The following CHMP4C variants were observed in gnomAD, a reference collection of about 807,000 sequenced individuals.
The protein encoded by CHMP4C is SNF7 homolog associated with Alix 3.
A neutral mutation model predicts 29.0 loss-of-function variants in CHMP4C; 28 were observed. That is an observed-to-expected ratio of 0.97 (90% CI 0.72 to 1.32). The LOEUF (loss-of-function observed/expected upper bound fraction) is 1.32. Ranked by LOEUF, CHMP4C falls within the 40% of genes most tolerant of loss-of-function variation. The pLI, the probability that CHMP4C is intolerant of heterozygous loss-of-function variation, is 0.00. For synonymous variants in CHMP4C, 106 were observed against 102.4 expected (o/e 1.04, Z -0.21); for missense variants, 291 against 281.0 (o/e 1.04, Z -0.25).
intron 1 of CHMP4C, among the ~76,000 whole-genome samples, chr8:81,737,367 G>A (rs1335653199): frequency 6.6e-6 from 1 of 152,104 alleles, no homozygotes; most frequent in Non-Finnish European, 1.5e-5. Flanking sequence ...GAATGTTAAT[G>A]AGATGGAAAA....
At chr8:81,757,332 C>G (rs1808985363) in intron 3 of CHMP4C, among the ~76,000 whole-genome samples, 1 of 152,058 alleles carries the variant, frequency 6.6e-6, no homozygotes, top group South Asian at 2.1e-4. Context: ...ATAAGGTGTC[C>G]CAAGTCATTT....
intron 2 of CHMP4C, 86 bp from the exon 3 acceptor site, chr8:81,755,284 T>C (rs1808957471): frequency 3.4e-6 from 2 of 585,438 alleles, no homozygotes; most frequent in African/African-American, 3.8e-5. Flanking sequence ...TTATATTAAA[T>C]GAACTGACTT....
intron 1 of CHMP4C, among the ~76,000 whole-genome samples, chr8:81,749,761 A>C (rs1249471090): frequency 6.6e-6 from 1 of 152,200 alleles, no homozygotes; most frequent in African/African-American, 2.4e-5. Flanking sequence ...ATCATGCTCT[A>C]GGGTTGTTTA....
Position 81,753,185 on chromosome 8 carries a change from G to T in CHMP4C, c.312G>T (p.Glu104Asp). ...EALENSHTNTEVLRNMGFAAK... is the reference protein window; with the variant it reads ...EALENSHTNTDVLRNMGFAAK... ...TGGAGAACTCACACACCAACACTGA[G>T]GTGTTGAGGAACATGGGCTTTGCAG... The change falls in exon 2 of 5, where the codon GAG becomes GAT. Residue 104 changes from glutamate to aspartate, a missense_variant. By Grantham distance (45) the Glu-to-Asp change is conservative (BLOSUM62 2). Coordinates refer to ENST00000297265, the MANE Select transcript of CHMP4C (RefSeq NM_152284.4). 1 of 1,611,180 alleles carries T rather than the reference G, an allele frequency of 6.2e-7. No individual in the cohort carries two copies. The highest frequency in any genetic ancestry group is 8.5e-7 in the Non-Finnish European group (1 of 1,178,406).
chr8:81,757,954 C>T (rs1245793813), intron 3 of CHMP4C, among the ~76,000 whole-genome samples, 188 bp from the exon 4 acceptor site: 1 of 152,152 alleles, frequency 6.6e-6, no homozygotes, highest in Non-Finnish European at 1.5e-5. Flanking sequence ...AACAAATTTG[C>T]ACAACCCAGA....
At chr8:81,740,567 G>C (rs1045558281) in intron 1 of CHMP4C, among the ~76,000 whole-genome samples, 14 of 152,174 alleles carry the variant, frequency 9.2e-5, no homozygotes, top group African/African-American at 3.1e-4. Flanking sequence ...CAGTTTGACA[G>C]ATCAACACTC....
At position 81,736,244 on chromosome 8, in the gene CHMP4C, C is replaced by T. The variant is rs138274445; in HGVS notation, c.190+3428C>T. On this transcript the variant is annotated intron_variant, in intron 1 of 4. Transcript: ENST00000297265. ...GATCAGGGCTCACTGCAGCCTTGACCTCCGAGACCCAAGTGATCCTTCCAC... is the reference window on the plus strand; with the variant it reads ...GATCAGGGCTCACTGCAGCCTTGACTTCCGAGACCCAAGTGATCCTTCCAC... Among the ~76,000 whole-genome samples the T allele has an allele frequency of 9.6e-3, 1,467 of 152,078 alleles. 11 individuals carry two copies. The highest frequency in any genetic ancestry group is 0.02 in the Admixed American group (304 of 15,276).
chr8:81,741,879 A>C (rs545406987), intron 1 of CHMP4C, among the ~76,000 whole-genome samples: 1 of 152,206 alleles, frequency 6.6e-6, no homozygotes. Flanking sequence ...AGTTAGTTTA[A>C]AAGTTTGCAG....
chr8:81,739,418 T>TG (rs66536613), intron 1 of CHMP4C, among the ~76,000 whole-genome samples: 8,503 of 93,438 alleles, frequency 0.091, 666 homozygotes, highest in African/African-American at 0.17. Context: ...TGGGGGATTG[T>TG]GGGGGGGGGT....
chr8:81,751,137 G>T (rs1808898077), intron 1 of CHMP4C, among the ~76,000 whole-genome samples: 1 of 152,022 alleles, frequency 6.6e-6, no homozygotes, highest in Non-Finnish European at 1.5e-5. Flanking sequence ...AGACTTATAG[G>T]CATTCAAATA....
At chr8:81,755,254 C>T (rs1489631520) in intron 2 of CHMP4C, 116 bp from the exon 3 acceptor site, 10 of 455,318 alleles carry the variant, frequency 2.2e-5, no homozygotes, top group South Asian at 5.1e-5. Context: ...AATATTTATC[C>T]TACTCAAATA....
chr8:81,746,590 A>G (rs1808826372), intron 1 of CHMP4C, among the ~76,000 whole-genome samples: 1 of 152,194 alleles, frequency 6.6e-6, no homozygotes. Flanking sequence ...CTGACCTTCT[A>G]GCTGCTTCAC....
intron 1 of CHMP4C, among the ~76,000 whole-genome samples, chr8:81,738,696 A>G (rs904023666): frequency 2.6e-5 from 4 of 152,226 alleles, no homozygotes; most frequent in Non-Finnish European, 5.9e-5. Flanking sequence ...CGACACAGCC[A>G]TGGACTGCAA....
At chr8:81,750,465 G>A (rs141843028) in intron 1 of CHMP4C, among the ~76,000 whole-genome samples, 1,541 of 149,660 alleles carry the variant, frequency 0.01, 21 homozygotes, top group African/African-American at 0.035. Flanking sequence ...AAAAGACTCC[G>A]TACAGTGACA....
chr8:81,754,914 A>C (rs1010340399), intron 2 of CHMP4C, among the ~76,000 whole-genome samples: 2 of 152,146 alleles, frequency 1.3e-5, no homozygotes, highest in African/African-American at 4.8e-5. Flanking sequence ...GTTACAAAAA[A>C]TAGATCTCTA....
chr8:81,740,811 C>T (rs1808754522), intron 1 of CHMP4C, among the ~76,000 whole-genome samples: 1 of 152,188 alleles, frequency 6.6e-6, no homozygotes, highest in Non-Finnish European at 1.5e-5. Context: ...AAAAATGCCA[C>T]ACCAGGAGAT....
At chr8:81,758,384 A>G (rs761338218) in intron 4 of CHMP4C, 89 bp downstream of exon 4, 1 of 1,566,474 alleles carries the variant, frequency 6.4e-7, no homozygotes, top group South Asian at 1.1e-5. Flanking sequence ...TTTTGATTTC[A>G]AACTGAACAC....
At chr8:81,733,548 A>G (rs1808646469) in intron 1 of CHMP4C, among the ~76,000 whole-genome samples, 1 of 151,942 alleles carries the variant, frequency 6.6e-6, no homozygotes, top group Admixed American at 6.6e-5. Context: ...AGGTAGAGGA[A>G]TTAATTATTA....
rs1297613985 is a variant in CHMP4C at position 81,753,071 on chromosome 8, A to C, written c.198A>C (p.Leu66Phe). The C allele has an allele frequency of 6.2e-7, 1 of 1,606,832 alleles. No individual in the cohort carries two copies. The highest frequency in any genetic ancestry group is 8.5e-7 in the Non-Finnish European group (1 of 1,177,008). The change falls in exon 2 of 5, where the codon TTA becomes TTC. Residue 66 changes from leucine (L) to phenylalanine (F), a missense_variant. Physicochemically the swap from Leu to Phe is conservative, Grantham distance 22 (BLOSUM62 0). Transcript: ENST00000297265. ...KHGTQNKRAA[L>F]QALKRKKRFE... ...GGCTTCTCTCTTATTTAGCTGCATT[A>C]CAGGCACTAAAGAGAAAGAAGAGGT...
Sources: gnomAD v4.1 joint callset for allele counts (sites outside exome capture counted in the v4.1 genomes callset) on GRCh38, gnomAD v4.1.1 for gene constraint, MANE v1.5 for transcripts, NCBI Gene and HGNC (gene_info 2026-07-23, HGNC 2026-07-21) for gene names.